Variants in ASIC4 observed in about 807,000 individuals in gnomAD.
ASIC4 encodes the protein acid-sensing ion channel 4.
ASIC4 carries 28 observed loss-of-function variants against 53.4 expected under a neutral mutation model. That is an observed-to-expected ratio of 0.52 (90% CI 0.39 to 0.72). The LOEUF (loss-of-function observed/expected upper bound fraction) is 0.72, where lower values mean the gene tolerates loss of function less well. Ranked by LOEUF, ASIC4 falls within the 30% of genes least tolerant of loss-of-function variation. The pLI is 0.00. For synonymous variants in ASIC4, 289 were observed against 301.4 expected (o/e 0.96, Z 0.43); for missense variants, 649 against 729.7 (o/e 0.89, Z 1.27).
intron 1 of ASIC4, among the ~76,000 whole-genome samples, chr2:219,526,998 G>C (rs963390061): frequency 6.6e-6 from 1 of 152,176 alleles, no homozygotes; most frequent in Admixed American, 6.5e-5. Context: ...CCTGGCCCAC[G>C]ACCTTCCCCT....
At chr2:219,529,581 G>T (rs758587358) in intron 1 of ASIC4, among the ~76,000 whole-genome samples, 6 of 152,070 alleles carry the variant, frequency 3.9e-5, no homozygotes, top group East Asian at 1.9e-4. Context: ...GGCTTGGAGT[G>T]GGGGGTGCCA....
At chr2:219,535,072 C>A in intron 5 of ASIC4, 99 bp from the exon 6 acceptor site, 1 of 1,488,130 alleles carries the variant, frequency 6.7e-7, no homozygotes, top group Non-Finnish European at 9.0e-7. Flanking sequence ...TGTGGGTGTG[C>A]CTGCCTCAGG....
intron 1 of ASIC4, among the ~76,000 whole-genome samples, chr2:219,525,243 C>T (rs747997986): frequency 6.6e-6 from 1 of 152,202 alleles, no homozygotes; most frequent in Non-Finnish European, 1.5e-5. Context: ...TACTGGTGCA[C>T]GTATATGACT....
At chr2:219,530,245 C>T (rs1695020576) in intron 1 of ASIC4, among the ~76,000 whole-genome samples, 1 of 152,240 alleles carries the variant, frequency 6.6e-6, no homozygotes, top group Admixed American at 6.5e-5. Context: ...AACTAGAACC[C>T]GCCTCTCCCT....
rs548080163 is a variant in ASIC4, at chr2:219,527,513, A to G, written c.583-4245A>G. Among the ~76,000 whole-genome samples, 11 of 152,130 alleles carry G rather than the reference A, an allele frequency of 7.2e-5. No individual in the cohort carries two copies. In the South Asian group the frequency reaches 2.3e-3, roughly 32 times the overall value. On this transcript the variant is annotated intron_variant, in intron 1 of 9. Transcript: ENST00000358078. ...TGTCTGTTGGAGGTACCAGGTAGGG[A>G]CGCTGCCCCAGCCCCTCCGAGAGTC...
At chr2:219,522,754 G>C (rs1694907598) in intron 1 of ASIC4, among the ~76,000 whole-genome samples, 1 of 152,176 alleles carries the variant, frequency 6.6e-6, no homozygotes, top group East Asian at 1.9e-4. Context: ...CCGCGGGGGC[G>C]GGCGGCGGTG....
rs1695057577 is a variant in ASIC4 at position 219,532,410 on chromosome 2, C to T, written c.951C>T (p.Ala317=). The change falls in exon 4 of 10, where the codon GCC becomes GCT. Residue 317 remains alanine (A), a synonymous_variant. Transcript: ENST00000358078. The part of the protein sequence containing the change: ...LQGYSAYSVS[A]CRLRCEKEAV... ...GCTACTCGGCCTACAGTGTGTCTGC[C>T]TGCCGGCTGCGCTGTGAAAAGGAGG... 1.2e-6 allele frequency: 2 copies of T among 1,613,952 alleles called. No homozygotes were observed. Among genetic ancestry groups the T allele is most frequent in the Non-Finnish European group, 8.5e-7 (1 of 1,179,984 alleles).
chr2:219,534,815 A>G (rs1170790809), intron 5 of ASIC4, among the ~76,000 whole-genome samples: 1 of 150,076 alleles, frequency 6.7e-6, no homozygotes, highest in African/African-American at 2.4e-5. Context: ...CCATCCATGC[A>G]TGCATCCCAG....
intron 1 of ASIC4, among the ~76,000 whole-genome samples, chr2:219,530,875 G>A (rs1415176971): frequency 6.6e-6 from 1 of 152,220 alleles, no homozygotes; most frequent in African/African-American, 2.4e-5. Flanking sequence ...GAAATGGGAA[G>A]CTATTGTTGG....
At chr2:219,533,021 T>C in intron 5 of ASIC4, 82 bp downstream of exon 5, 1 of 1,340,050 alleles carries the variant, frequency 7.5e-7, no homozygotes, top group Non-Finnish European at 1.1e-6. Context: ...TCTTGGATCC[T>C]CCCCTCCCAA....
intron 1 of ASIC4, among the ~76,000 whole-genome samples, chr2:219,522,499 T>C (rs537968993): frequency 1.8e-4 from 28 of 152,076 alleles, no homozygotes; most frequent in African/African-American, 6.7e-4. Flanking sequence ...AAACGGGACG[T>C]TGGGGAGCCC....
chr2:219,521,099 T>C (rs1694877053), intron 1 of ASIC4, among the ~76,000 whole-genome samples: 1 of 152,200 alleles, frequency 6.6e-6, no homozygotes, highest in African/African-American at 2.4e-5. Context: ...GGAGGGGTGC[T>C]GTCAGCCTGC....
At chr2:219,514,339 A>G, upstream of ASIC4, 6 of 1,540,472 alleles carry the variant, frequency 3.9e-6, no homozygotes, top group Non-Finnish European at 4.4e-6. Context: ...AGGGCTCCGG[A>G]GCACATGCTG....
rs1002033947 is a variant in ASIC4, at chr2:219,537,867, G to A, written c.1507-66G>A. On this transcript the variant is annotated intron_variant, in intron 9 of 9. Transcript: ENST00000358078. This position sits in a 1 kb window ranked among gnomAD's most constrained non-coding sequence, Gnocchi z 4.9. Reference sequence around the variant, plus strand: ...CCCGAGGTGACAAGGAAAGGCTGGCGGTGTGAGCCCTGGGGGCACCACTTG... The same window carrying A: ...CCCGAGGTGACAAGGAAAGGCTGGCAGTGTGAGCCCTGGGGGCACCACTTG... 120 of 1,491,202 alleles carry A rather than the reference G, an allele frequency of 8.0e-5. No individual in the cohort carries two copies. Among genetic ancestry groups the A allele is most frequent in the Non-Finnish European group, 2.7e-5 (29 of 1,090,324 alleles). 92.4% of individuals were successfully genotyped at this position (1,491,202 alleles called of 1,614,324 possible).
chr2:219,509,161 C>T, the ASIC4 span, among the ~76,000 whole-genome samples: 2 of 152,128 alleles, frequency 1.3e-5, no homozygotes, highest in African/African-American at 4.8e-5. This position sits in a 1 kb window ranked among gnomAD's most constrained non-coding sequence, Gnocchi z 5.2. Context: ...AGTCCCACCT[C>T]CATCTCAATC....
In ASIC4 at chr2:219,517,494, C is replaced by T. The variant is rs1694814170; in HGVS notation, c.582+2188C>T. Among the ~76,000 whole-genome samples, 6 of 152,238 alleles carry T rather than the reference C, an allele frequency of 3.9e-5. No homozygotes were observed. The highest frequency in any genetic ancestry group is 3.9e-4 in the Admixed American group (6 of 15,290). On this transcript the variant is annotated intron_variant, in intron 1 of 9. Transcript: ENST00000358078. This position sits in a 1 kb window ranked among gnomAD's most constrained non-coding sequence, Gnocchi z 4.2. The stretch of plus-strand genomic sequence containing the variant: ...GTCTCCAGCCCAGCCTCCTACTCTT[C>T]TGCACATACTGCATCCCCCGTCTGC...
At chr2:219,527,026 G>A (rs1395862145) in intron 1 of ASIC4, among the ~76,000 whole-genome samples, 1 of 152,190 alleles carries the variant, frequency 6.6e-6, no homozygotes, top group African/African-American at 2.4e-5. Flanking sequence ...ACCGGACCCT[G>A]GACTCTCAAC....
At chr2:219,514,434 G>C, upstream of ASIC4, 1 of 1,549,590 alleles carries the variant, frequency 6.5e-7, no homozygotes, top group Non-Finnish European at 8.7e-7. Context: ...ACACGCAGGG[G>C]CTGACAGCTG....
rs144336521 is a variant in ASIC4, at chr2:219,518,517, C to CTCT, written c.582+3215_582+3217dup. 0.066 allele frequency among the ~76,000 whole-genome samples: 9,954 copies of CTCT among 151,872 alleles called. 1,068 individuals carry two copies. Among genetic ancestry groups the CTCT allele is most frequent in the African/African-American group, 0.23 (9,397 of 41,244 alleles). ...CTCCAGCTAGTTTACCTCTGCTCCT[C>CTCT]TCTTCTCCCTCCCCTCTTCACTCAG... is the stretch of plus-strand genomic sequence containing the variant. On this transcript the variant is annotated intron_variant, in intron 1 of 9. Transcript: ENST00000358078. The surrounding 1 kb of genome is among the most constrained non-coding windows in gnomAD (Gnocchi z 4.8).
Sources: allele counts gnomAD v4.1 joint callset (sites outside exome capture counted in the v4.1 genomes callset), GRCh38; gene constraint gnomAD v4.1.1; non-coding constraint Gnocchi (gnomAD v3.1); transcripts MANE v1.5; gene names NCBI Gene and HGNC (gene_info 2026-07-23, HGNC 2026-07-21).